Variants in IL1RAPL1 observed in about 807,000 individuals in gnomAD.
The protein encoded by IL1RAPL1 is interleukin 1 receptor accessory protein like 1, also known as interleukin-1 receptor accessory protein-like 1.
In IL1RAPL1, 3 loss-of-function variants were observed where a neutral mutation model predicts 48.4. That is an observed-to-expected ratio of 0.06 (90% confidence interval 0.03 to 0.16). The LOEUF is 0.16. Among genes scored for constraint, IL1RAPL1 ranks in the 10% least tolerant of loss-of-function variants. The pLI, the probability that IL1RAPL1 is intolerant of heterozygous loss-of-function variation, is 1.00. For missense variants in IL1RAPL1, 349 were observed against 530.6 expected (o/e 0.66, Z 3.36); for synonymous variants, 185 against 187.7 (o/e 0.99, Z 0.12).
intron 2 of IL1RAPL1, among the ~76,000 whole-genome samples, chrX:28,949,624 T>C (rs1924397174): frequency 9.0e-6 from 1 of 111,083 alleles, no homozygotes; most frequent in South Asian, 3.8e-4. Context: ...TTTTAATGAT[T>C]GTCATTCTAA....
chrX:29,681,210 G>A (rs1192896452), intron 6 of IL1RAPL1, among the ~76,000 whole-genome samples: 3 of 112,314 alleles, frequency 2.7e-5, no homozygotes. Flanking sequence ...TGTCTTGATT[G>A]GTAAATCGAG....
chrX:29,223,428 A>G (rs1226091482), intron 2 of IL1RAPL1, among the ~76,000 whole-genome samples: 1 of 111,715 alleles, frequency 9.0e-6, no homozygotes, highest in East Asian at 2.8e-4. Flanking sequence ...TGGTTTTTGT[A>G]GGTTTCTCAG....
At chrX:29,827,041 A>G (rs756512377) in intron 6 of IL1RAPL1, among the ~76,000 whole-genome samples, 2 of 112,206 alleles carry the variant, frequency 1.8e-5, no homozygotes, top group Admixed American at 1.9e-4. Context: ...CTTTTTGACT[A>G]CTGTCATTCT....
intron 1 of IL1RAPL1, among the ~76,000 whole-genome samples, chrX:28,738,804 C>A (rs1178473899): frequency 9.0e-6 from 1 of 111,445 alleles, no homozygotes; most frequent in Non-Finnish European, 1.9e-5. Flanking sequence ...CAGGAGGCAG[C>A]AGATGACATC....
chrX:29,935,837 C>A (rs1280774807), intron 8 of IL1RAPL1, among the ~76,000 whole-genome samples: 1 of 111,369 alleles, frequency 9.0e-6, no homozygotes, highest in Non-Finnish European at 1.9e-5. Flanking sequence ...TTTGGTGCTT[C>A]GTCTAAAAAC....
intron 3 of IL1RAPL1, among the ~76,000 whole-genome samples, chrX:29,322,495 G>C (rs7878399): frequency 0.044 from 4,885 of 111,459 alleles, 259 homozygotes; most frequent in African/African-American, 0.15. Context: ...GAACTCCCGA[G>C]CTCAGGTGTT....
At chrX:29,335,321 GGGGAGAGGGGAGAGGGGAGA>G (rs1313796625) in intron 3 of IL1RAPL1, among the ~76,000 whole-genome samples, 1 of 14,841 alleles carries the variant, frequency 6.7e-5, no homozygotes, top group African/African-American at 1.6e-4. Context: ...AGAGGGGAGA[GGGGAGAGGGGAGAGGGGAGA>G]GGGAGAGCTA....
chrX:28,602,492 T>C (rs1291111641), intron 1 of IL1RAPL1, among the ~76,000 whole-genome samples: 1 of 112,355 alleles, frequency 8.9e-6, no homozygotes, highest in African/African-American at 3.2e-5. Flanking sequence ...AAGAGCTATG[T>C]AGGTGGTATG....
At position 29,510,088 on chromosome X, in the gene IL1RAPL1, C is replaced by A. The variant is rs1047041403; in HGVS notation, c.703+110780C>A. Among the ~76,000 whole-genome samples the A allele has an allele frequency of 9.8e-5, 11 of 112,147 alleles. No individual in the cohort carries two copies. The Admixed American group carries it at 1.0e-3, about 11-fold the overall frequency. ...GTATTGCATTTAATTTGTTGGATTT[C>A]TGCATATTGGCTTAATGGATGAGTG... On this transcript the variant is annotated intron_variant, in intron 5 of 10. Transcript: ENST00000378993.
At chrX:28,659,581 A>G in intron 1 of IL1RAPL1, 1 of 418,593 alleles carries the variant, frequency 2.4e-6, no homozygotes, top group Non-Finnish European at 4.3e-6. Flanking sequence ...CGAGCTAGAG[A>G]GCGACGGTGG....
At chrX:29,176,243 A>G (rs1457689859) in intron 2 of IL1RAPL1, among the ~76,000 whole-genome samples, 2 of 101,788 alleles carry the variant, frequency 2.0e-5, no homozygotes, top group African/African-American at 7.1e-5. Context: ...ACAGGCGCCC[A>G]CCACCACGCC....
chrX:29,491,131 C>T (rs1335954785), intron 5 of IL1RAPL1, among the ~76,000 whole-genome samples: 4 of 111,325 alleles, frequency 3.6e-5, no homozygotes, highest in African/African-American at 9.9e-5. Flanking sequence ...ATTCTAATTT[C>T]GGTATACATA....
chrX:29,203,626 G>A (rs1443974517), intron 2 of IL1RAPL1, among the ~76,000 whole-genome samples: 2 of 106,500 alleles, frequency 1.9e-5, no homozygotes, highest in African/African-American at 6.9e-5. Context: ...GGCTGAGGCA[G>A]GAGAATCGCT....
chrX:29,589,455 G>T lies in IL1RAPL1; in HGVS notation c.704-78975G>T, dbSNP rs189797122. ...TTTTCCATGGCACTCCTATTTTCAG[G>T]TATTCTTTATGATCTCAGATCATTG... is the stretch of plus-strand genomic sequence containing the variant. On this transcript the variant is annotated intron_variant, in intron 5 of 10. Coordinates refer to ENST00000378993, the MANE Select transcript of IL1RAPL1 (RefSeq NM_014271.4). Among the ~76,000 whole-genome samples the T allele has an allele frequency of 6.3e-3, 678 of 108,392 alleles. 3 individuals are homozygous for T. The highest frequency in any genetic ancestry group is 0.023 in the African/African-American group (653 of 27,895). The allele number at this position is 108,392 out of a possible 115,157, so 94.1% of individuals were successfully genotyped here. A position where few individuals can be genotyped will look rare whatever the true frequency, so the allele number is the denominator to read the frequency against.
chrX:28,810,400 T>C (rs1936780452), intron 2 of IL1RAPL1, among the ~76,000 whole-genome samples: 1 of 110,840 alleles, frequency 9.0e-6, no homozygotes, highest in Admixed American at 9.6e-5. Context: ...AATGATTCAA[T>C]AATACGTAAT....
intron 2 of IL1RAPL1, among the ~76,000 whole-genome samples, chrX:29,108,551 G>A (rs975656544): frequency 1.5e-4 from 16 of 109,909 alleles, no homozygotes; most frequent in South Asian, 4.0e-4. Flanking sequence ...ACAGGCATGC[G>A]CCACCATGCC....
chrX:29,456,550 G>A (rs1934741265), intron 5 of IL1RAPL1, among the ~76,000 whole-genome samples: 1 of 110,803 alleles, frequency 9.0e-6, no homozygotes, highest in Non-Finnish European at 1.9e-5. Flanking sequence ...AACATGTGTT[G>A]AACATCTACT....
chrX:29,752,356 C>T (rs1245066860), intron 6 of IL1RAPL1, among the ~76,000 whole-genome samples: 2 of 106,808 alleles, frequency 1.9e-5, no homozygotes, highest in African/African-American at 6.8e-5. Context: ...ATTAGTCAGG[C>T]GTTGCGGCAT....
At chrX:29,940,500 T>A (rs1228775708) in intron 8 of IL1RAPL1, among the ~76,000 whole-genome samples, 3 of 112,181 alleles carry the variant, frequency 2.7e-5, no homozygotes, top group Non-Finnish European at 5.6e-5. Flanking sequence ...GAAATGTTTA[T>A]ATTTAATTGT....
Sources: gnomAD v4.1 joint callset for allele counts (sites outside exome capture counted in the v4.1 genomes callset) on GRCh38, gnomAD v4.1.1 for gene constraint, MANE v1.5 for transcripts, NCBI Gene and HGNC (gene_info 2026-07-23, HGNC 2026-07-21) for gene names.